The following SEC14L1 variants were observed in gnomAD, a reference collection of about 807,000 sequenced individuals.
The protein encoded by SEC14L1 is SEC14 like lipid binding 1.
In SEC14L1, 48 loss-of-function variants were observed where a neutral mutation model predicts 85.3. The observed-to-expected ratio is 0.56, with a 90% CI of 0.45 to 0.72. The LOEUF (loss-of-function observed/expected upper bound fraction) is 0.72. Ranked by LOEUF, SEC14L1 falls within the 30% of genes least tolerant of loss-of-function variation. SEC14L1 has a pLI of 0.00. For missense variants in SEC14L1, 682 were observed against 921.4 expected (o/e 0.74, Z 3.36); for synonymous variants, 391 against 355.5 (o/e 1.10, Z -1.12).
chr17:77,205,351 A>T lies in SEC14L1; in HGVS notation c.1169+5A>T. Reference sequence around the variant, plus strand: ...AGTCTTTGGTCGGCCTATCAGGTAGATGTGGGATTTTGTTTTTCCTTTCAA... The same window carrying T: ...AGTCTTTGGTCGGCCTATCAGGTAGTTGTGGGATTTTGTTTTTCCTTTCAA... On this transcript the variant is annotated splice_donor_5th_base_variant and intron_variant, in intron 11 of 16. Transcript: ENST00000436233. The T allele has an allele frequency of 1.2e-6, 2 of 1,613,092 alleles. No homozygotes were observed. The highest frequency in any genetic ancestry group is 3.3e-4 in the Middle Eastern group (2 of 6,048).
At chr17:77,161,712 CTTTTTTTTTTTTTTT>C (rs763767954) in intron 3 of SEC14L1, among the ~76,000 whole-genome samples, 1 of 103,058 alleles carries the variant, frequency 9.7e-6, no homozygotes, top group African/African-American at 3.7e-5. Flanking sequence ...TAAATTGGTT[CTTTTTTTTTTTTTTT>C]TTTTTTTTTA....
chr17:77,214,818 C>T lies in SEC14L1; in HGVS notation c.*795C>T. ...TCCTTCCGTGCGTCGCCCCTCTCAC[C>T]TGCAGTCAGCTCCCAGCCCAGTGTA... On this transcript the variant is annotated 3_prime_UTR_variant, in exon 17 of 17. Coordinates refer to ENST00000436233, the MANE Select transcript of SEC14L1 (RefSeq NM_001143998.2). 6.1e-6 allele frequency: 6 copies of T among 985,554 alleles called. No homozygotes were observed. The highest frequency in any genetic ancestry group is 7.2e-6 in the Non-Finnish European group (6 of 830,048). 61.1% of individuals were successfully genotyped at this position (985,554 alleles called of 1,614,324 possible).
intron 2 of SEC14L1, chr17:77,090,130 A>G (rs1431706617): frequency 6.6e-6 from 1 of 151,988 alleles, no homozygotes; most frequent in Non-Finnish European, 1.5e-5. Flanking sequence ...ACAGTTCAAG[A>G]CCAGCCTGGC....
intron 3 of SEC14L1, among the ~76,000 whole-genome samples, chr17:77,105,843 T>A (rs771176148): frequency 1.2e-4 from 19 of 152,070 alleles, no homozygotes; most frequent in Non-Finnish European, 2.2e-4. Flanking sequence ...GCTGTTTAGG[T>A]GATTGCTTAT....
Position 77,214,780 on chromosome 17 carries a change from G to T in SEC14L1, c.*757G>T. On this transcript the variant is annotated 3_prime_UTR_variant, in exon 17 of 17. Coordinates refer to ENST00000436233, the MANE Select transcript of SEC14L1 (RefSeq NM_001143998.2). Reference sequence around the variant, plus strand: ...TTCTGTATGTGAACTTGGGTGGGGGGGTTCTTCCCGTTTCCTTCCGTGCGT... The same window carrying T: ...TTCTGTATGTGAACTTGGGTGGGGGTGTTCTTCCCGTTTCCTTCCGTGCGT... 1 of 985,468 alleles carries T rather than the reference G, an allele frequency of 1.0e-6. No homozygotes were observed. The highest frequency in any genetic ancestry group is 1.2e-6 in the Non-Finnish European group (1 of 829,992). 61.0% of individuals were successfully genotyped at this position (985,468 alleles called of 1,614,324 possible).
intron 3 of SEC14L1, among the ~76,000 whole-genome samples, chr17:77,145,493 CTG>C (rs1973261275): frequency 6.6e-6 from 1 of 152,060 alleles, no homozygotes; most frequent in Admixed American, 6.5e-5. Context: ...GTTAAGATGT[CTG>C]TGTGTTAAGA....
chr17:77,123,414 CTTTTT>C (rs71280842), intron 3 of SEC14L1, among the ~76,000 whole-genome samples: 24 of 80,484 alleles, frequency 3.0e-4, no homozygotes, highest in African/African-American at 1.3e-3. Context: ...CAGGCCCACT[CTTTTT>C]TTTTTTTTTT....
At chr17:77,183,678 T>C (rs1975143105) in intron 3 of SEC14L1, among the ~76,000 whole-genome samples, 1 of 152,220 alleles carries the variant, frequency 6.6e-6, no homozygotes, top group Non-Finnish European at 1.5e-5. Flanking sequence ...ATGAAACGCA[T>C]GGTTGCATTT....
chr17:77,155,723 A>T (rs1973779928), intron 3 of SEC14L1, among the ~76,000 whole-genome samples: 1 of 152,126 alleles, frequency 6.6e-6, no homozygotes, highest in Non-Finnish European at 1.5e-5. Flanking sequence ...CCTGCACCTC[A>T]TCTTTATTTA....
At position 77,194,842 on chromosome 17, in the gene SEC14L1, A is replaced by C; in HGVS notation, c.640A>C (p.Lys214Gln). The C allele has an allele frequency of 6.2e-7, 1 of 1,614,140 alleles. No homozygotes were observed. The highest frequency in any genetic ancestry group is 8.5e-7 in the Non-Finnish European group (1 of 1,180,016). ...CGTCGTCATCCCAGAAGCTGCCCTCAAGGAGGGGCTGAGTGGTGATGCCCT... is the reference window on the plus strand; with the variant it reads ...CGTCGTCATCCCAGAAGCTGCCCTCCAGGAGGGGCTGAGTGGTGATGCCCT... ...MAVVIPEAAL[K>Q]EGLSGDALSS... Residue 214 changes from lysine to glutamine, a missense_variant, in exon 7 of 17, where the codon AAG (lysine) becomes CAG (glutamine). By Grantham distance (53) the Lys-to-Gln change is moderately conservative. Coordinates refer to ENST00000436233, the MANE Select transcript of SEC14L1 (RefSeq NM_001143998.2).
chr17:77,139,094 A>G (rs539769781), upstream of SEC14L1, among the ~76,000 whole-genome samples: 25 of 151,098 alleles, frequency 1.7e-4, no homozygotes, highest in Middle Eastern at 3.5e-3. Context: ...GTCATTTAGC[A>G]TGTTCCTCTA....
intron 14 of SEC14L1, chr17:77,211,220 C>G (rs569075227): frequency 3.3e-5 from 5 of 152,452 alleles, no homozygotes; most frequent in South Asian, 2.1e-4. Flanking sequence ...TGAGAGGGGC[C>G]GTGGGCCTGG....
intron 8 of SEC14L1, 148 bp from the exon 9 acceptor site, chr17:77,200,336 T>G: frequency 1.7e-6 from 1 of 593,160 alleles, no homozygotes; most frequent in Admixed American, 3.1e-5. Context: ...GCCTGGCTGA[T>G]TTTTGTATTT....
intron 3 of SEC14L1, among the ~76,000 whole-genome samples, chr17:77,158,990 A>G (rs4262975): frequency 1 from 151,249 of 151,250 alleles, 75,624 homozygotes; most frequent in Non-Finnish European, 1. Context: ...AATTTTAATA[A>G]AAACAGGGTT....
At position 77,216,251 on chromosome 17, in the gene SEC14L1, T is replaced by C. The variant is rs1432129992; in HGVS notation, c.*2228T>C. On this transcript the variant is annotated 3_prime_UTR_variant, in exon 17 of 17. Transcript: ENST00000436233. ...TCGTAGGTAGGGTTCGTAGGTAGGG[T>C]TCGTAGGTAGGGTTCGTAGGTAGGG... 85 of 1,136,190 alleles carry C rather than the reference T, an allele frequency of 7.5e-5. No homozygotes were observed. In the South Asian group the frequency reaches 7.9e-4, roughly 11 times the overall value. The allele number at this position is 1,136,190 out of a possible 1,614,324, so 70.4% of individuals were successfully genotyped here.
At chr17:77,143,546 A>T in intron 2 of SEC14L1, 21 bp from the exon 3 acceptor site, 2 of 1,449,772 alleles carry the variant, frequency 1.4e-6, no homozygotes, top group Non-Finnish European at 9.7e-7. Context: ...GTTACTTATC[A>T]CATATATTTA....
chr17:77,158,798 C>CTTTTTTTTTTTTTTTTTTTTTT lies in SEC14L1; in HGVS notation c.63+15151_63+15172dup, dbSNP rs34186028. 5.1e-4 allele frequency among the ~76,000 whole-genome samples: 20 copies of CTTTTTTTTTTTTTTTTTTTTTT among 39,190 alleles called. 7 individuals carry two copies. Among genetic ancestry groups the CTTTTTTTTTTTTTTTTTTTTTT allele is most frequent in the East Asian group, 7.8e-4 (1 of 1,288 alleles). 25.7% of individuals were successfully genotyped at this position (39,190 alleles called of 152,430 possible). On this transcript the variant is annotated intron_variant, in intron 3 of 16. Coordinates refer to ENST00000436233, the MANE Select transcript of SEC14L1 (RefSeq NM_001143998.2). ...CAATTACATTTTATAGCTTTCTTTC[C>CTTTTTTTTTTTTTTTTTTTTTT]TTTTTTTTTTTTTTTTTTTTTTTTT...
intron 3 of SEC14L1, among the ~76,000 whole-genome samples, chr17:77,132,249 C>A (rs1972635344): frequency 7.3e-6 from 1 of 137,522 alleles, no homozygotes; most frequent in Non-Finnish European, 1.5e-5. Flanking sequence ...TTTTTTTGAG[C>A]CGGAGTCTGG....
intron 2 of SEC14L1, chr17:77,090,021 GAAAA>G (rs111754962): frequency 0.042 from 5,283 of 125,954 alleles, 179 homozygotes; most frequent in East Asian, 0.23. Context: ...AAAACTCCGA[GAAAA>G]AAAAAAAAAA....
Sources: gnomAD v4.1 joint callset for allele counts (sites outside exome capture counted in the v4.1 genomes callset) on GRCh38, gnomAD v4.1.1 for gene constraint, MANE v1.5 for transcripts, NCBI Gene and HGNC (gene_info 2026-07-23, HGNC 2026-07-21) for gene names.